The following ZNF385D variants were observed in gnomAD, a reference collection of about 807,000 sequenced individuals.
ZNF385D encodes zinc finger protein 659.
Under a neutral mutation model 35.8 loss-of-function variants are expected in ZNF385D, and 15 were observed. The observed-to-expected ratio is 0.42, with a 90% CI of 0.28 to 0.64. The LOEUF (loss-of-function observed/expected upper bound fraction) is 0.64, where lower values mean the gene tolerates loss of function less well. Ranked by LOEUF, ZNF385D falls within the 30% of genes least tolerant of loss-of-function variation. The pLI is 0.23. For missense variants in ZNF385D, 474 were observed against 494.6 expected (o/e 0.96, Z 0.39); for synonymous variants, 212 against 186.8 (o/e 1.13, Z -1.10).
chr3:22,046,388 C>T (rs1188935270), intron 3 of ZNF385D, among the ~76,000 whole-genome samples: 1 of 151,990 alleles, frequency 6.6e-6, no homozygotes, highest in African/African-American at 2.4e-5. Context: ...CCCTGACAGC[C>T]CACTATATTT....
intron 2 of ZNF385D, among the ~76,000 whole-genome samples, chr3:22,280,625 A>G (rs1701687895): frequency 1.3e-5 from 2 of 152,156 alleles, no homozygotes; most frequent in South Asian, 2.1e-4. Context: ...CCATTGGTCT[A>G]TGTGCCTATT....
At chr3:21,847,454 G>C (rs1696083874) in intron 3 of ZNF385D, among the ~76,000 whole-genome samples, 1 of 151,992 alleles carries the variant, frequency 6.6e-6, no homozygotes, top group African/African-American at 2.4e-5. Context: ...TTTTTGATAG[G>C]AACAATAGCA....
At chr3:21,987,580 T>C (rs1694881045) in intron 3 of ZNF385D, among the ~76,000 whole-genome samples, 1 of 129,048 alleles carries the variant, frequency 7.7e-6, no homozygotes, top group Admixed American at 7.2e-5. Context: ...AACCCGACCT[T>C]TCTCTCTGGC....
chr3:21,789,104 A>G (rs1369488412), intron 3 of ZNF385D, among the ~76,000 whole-genome samples: 1 of 152,250 alleles, frequency 6.6e-6, no homozygotes, highest in East Asian at 1.9e-4. Context: ...AAATTGTTCA[A>G]TAAAGCAAAA....
rs367787343 is a variant in ZNF385D, at chr3:22,265,388, G to A, written c.107-96353C>T. Reference sequence around the variant, plus strand: ...CATCATGAAATTACAAAAAATTTTTGTGAAACATTATTGGCAAATGAGGTT... The same window carrying A: ...CATCATGAAATTACAAAAAATTTTTATGAAACATTATTGGCAAATGAGGTT... On this transcript the variant is annotated intron_variant, in intron 2 of 5. Transcript: ENST00000494108. 2.0e-5 allele frequency among the ~76,000 whole-genome samples: 3 copies of A among 152,016 alleles called. No individual in the cohort carries two copies. The East Asian group carries it at 5.8e-4, about 30-fold the overall frequency.
At chr3:21,581,190 C>G (rs1160576014) in intron 2 of ZNF385D, among the ~76,000 whole-genome samples, 2 of 152,170 alleles carry the variant, frequency 1.3e-5, no homozygotes, top group African/African-American at 4.8e-5. Flanking sequence ...ATAACGTAGA[C>G]CTGCTGGCAA....
intron 3 of ZNF385D, among the ~76,000 whole-genome samples, chr3:21,909,981 G>GAAA (rs1416658188): frequency 1.3e-5 from 2 of 151,922 alleles, no homozygotes; most frequent in African/African-American, 4.8e-5. Context: ...AAGGTGGCCA[G>GAAA]AAAAACAGTA....
At chr3:22,083,703 C>A (rs1218861336) in intron 3 of ZNF385D, among the ~76,000 whole-genome samples, 1 of 152,096 alleles carries the variant, frequency 6.6e-6, no homozygotes, top group Non-Finnish European at 1.5e-5. Flanking sequence ...CAAGGCAGGC[C>A]AACATTCAAA....
chr3:21,809,127 A>G (rs7644686), intron 3 of ZNF385D, among the ~76,000 whole-genome samples: 114,686 of 151,970 alleles, frequency 0.75, 43,441 homozygotes, highest in East Asian at 0.91. Flanking sequence ...TCAAAAACAC[A>G]CAAAGTACCA....
intron 3 of ZNF385D, among the ~76,000 whole-genome samples, chr3:22,063,279 TTGTC>T (rs1699778429): frequency 1.3e-5 from 2 of 152,126 alleles, no homozygotes; most frequent in African/African-American, 4.8e-5. Context: ...TCCTAGAACA[TTGTC>T]TGATTAATTT....
At chr3:22,332,840 G>T (rs1257407888) in intron 2 of ZNF385D, among the ~76,000 whole-genome samples, 1 of 151,584 alleles carries the variant, frequency 6.6e-6, no homozygotes, top group Non-Finnish European at 1.5e-5. Flanking sequence ...GATAGTCAAA[G>T]ATATACTGTT....
intron 3 of ZNF385D, among the ~76,000 whole-genome samples, chr3:22,075,880 C>T (rs551501999): frequency 5.3e-5 from 8 of 152,020 alleles, no homozygotes; most frequent in African/African-American, 1.4e-4. Context: ...TCCCAAACTT[C>T]GTAAATACCA....
intron 1 of ZNF385D, among the ~76,000 whole-genome samples, chr3:21,721,398 C>G (rs116671954): frequency 0.013 from 1,485 of 112,808 alleles, 25 homozygotes; most frequent in African/African-American, 0.048. Flanking sequence ...ATAGCCTTCC[C>G]ATGGTTATAA....
rs149734323 is a variant in ZNF385D, at chr3:21,883,049, C to G, written c.326-218021G>C. On this transcript the variant is annotated intron_variant, in intron 3 of 5. Transcript: ENST00000494108. ...AATATTGATGCTTATTTGGAGGTGA[C>G]AGATTTATGCTTTGTCTCCTACCAC... 2.7e-3 allele frequency among the ~76,000 whole-genome samples: 411 copies of G among 152,018 alleles called. 2 individuals carry two copies. Among genetic ancestry groups the G allele is most frequent in the African/African-American group, 9.5e-3 (393 of 41,510 alleles).
intron 5 of ZNF385D, among the ~76,000 whole-genome samples, chr3:21,428,963 T>G (rs993087267): frequency 6.2e-5 from 8 of 129,084 alleles, no homozygotes; most frequent in African/African-American, 1.9e-4. Context: ...GCTTAATTGT[T>G]CGTTTTGGAG....
At chr3:22,143,091 G>GAGTC (rs1704624246) in intron 3 of ZNF385D, among the ~76,000 whole-genome samples, 1 of 142,374 alleles carries the variant, frequency 7.0e-6, no homozygotes, top group African/African-American at 2.5e-5. Context: ...GTGTGTGTGT[G>GAGTC]TGTGTGTGTG....
At chr3:21,806,515 G>T (rs892246757) in intron 3 of ZNF385D, among the ~76,000 whole-genome samples, 1 of 151,942 alleles carries the variant, frequency 6.6e-6, no homozygotes, top group African/African-American at 2.4e-5. Context: ...AATAGAGCTC[G>T]TTTTATAGTT....
At chr3:22,238,312 T>C (rs1283349788) in intron 2 of ZNF385D, among the ~76,000 whole-genome samples, 4 of 151,070 alleles carry the variant, frequency 2.6e-5, no homozygotes, top group Non-Finnish European at 5.9e-5. Context: ...TGCATTTCCA[T>C]ATGAATTTTA....
intron 4 of ZNF385D, among the ~76,000 whole-genome samples, chr3:21,477,457 A>G (rs1160663956): frequency 1.3e-5 from 2 of 152,004 alleles, no homozygotes; most frequent in Non-Finnish European, 2.9e-5. Context: ...TCAAAAACAT[A>G]CTGGACTTTT....
Sources: gnomAD v4.1 joint callset for allele counts (sites outside exome capture counted in the v4.1 genomes callset) on GRCh38, gnomAD v4.1.1 for gene constraint, MANE v1.5 for transcripts, NCBI Gene and HGNC (gene_info 2026-07-23, HGNC 2026-07-21) for gene names.